The following SP100 variants were observed in gnomAD, a reference collection of about 807,000 sequenced individuals.
SP100 encodes the protein nuclear autoantigen Sp-100.
Under a neutral mutation model 130.0 loss-of-function variants are expected in SP100, and 84 were observed. The ratio of observed to expected loss-of-function variants is 0.65; its 90% CI spans 0.54 to 0.77. The LOEUF (loss-of-function observed/expected upper bound fraction) is 0.77, where lower values mean the gene tolerates loss of function less well. Among genes scored for constraint, SP100 ranks in the 30% least tolerant of loss-of-function variants. The pLI is 0.00. For synonymous variants in SP100, 331 were observed against 351.7 expected (o/e 0.94, Z 0.66); for missense variants, 978 against 1,052.2 (o/e 0.93, Z 0.97).
intron 5 of SP100, among the ~76,000 whole-genome samples, chr2:230,448,356 G>A (rs961196709): frequency 3.3e-5 from 5 of 152,110 alleles, no homozygotes; most frequent in Admixed American, 6.5e-5. Flanking sequence ...ACTCTGTGGC[G>A]GTTGGTTTAA....
chr2:230,450,919 A>G (rs1047446660), intron 8 of SP100, among the ~76,000 whole-genome samples: 3 of 152,186 alleles, frequency 2.0e-5, no homozygotes, highest in Non-Finnish European at 4.4e-5. Flanking sequence ...TATCTTGGCT[A>G]TTGTGAATAC....
chr2:230,519,698 G>T (rs1691082087), intron 24 of SP100, among the ~76,000 whole-genome samples: 2 of 152,140 alleles, frequency 1.3e-5, no homozygotes, highest in African/African-American at 4.8e-5. Context: ...TCTCTTCAAT[G>T]AAGGCCATTT....
intron 4 of SP100, among the ~76,000 whole-genome samples, chr2:230,446,344 A>G (rs2063710375): frequency 6.6e-6 from 1 of 152,198 alleles, no homozygotes; most frequent in Admixed American, 6.5e-5. Context: ...CCTGGGCTCA[A>G]GCAATCCTCC....
chr2:230,424,617 C>T (rs972106071), intron 2 of SP100, among the ~76,000 whole-genome samples: 7 of 147,888 alleles, frequency 4.7e-5, no homozygotes, highest in African/African-American at 1.0e-4. Context: ...TGTAGTGAGC[C>T]GATATCGCAC....
At chr2:230,511,063 A>G (rs551726421) in intron 23 of SP100, 62 bp from the exon 24 acceptor site, 1 of 1,111,154 alleles carries the variant, frequency 9.0e-7, no homozygotes, top group Non-Finnish European at 1.4e-6. Context: ...AGTCTGTTCA[A>G]ATGTGGGGTT....
intron 24 of SP100, chr2:230,515,255 A>G (rs2150089407): frequency 6.2e-7 from 1 of 1,613,086 alleles, no homozygotes; most frequent in East Asian, 2.2e-5. Flanking sequence ...ATGAAAACCT[A>G]TATCCCTCCT....
At chr2:230,536,288 A>G (rs1691937463) in intron 24 of SP100, among the ~76,000 whole-genome samples, 1 of 152,204 alleles carries the variant, frequency 6.6e-6, no homozygotes. Context: ...CATCAGCATG[A>G]AACAGCCAGA....
intron 28 of SP100, 24 bp from the exon 29 acceptor site, chr2:230,542,812 T>C (rs1692232150): frequency 1.4e-6 from 2 of 1,440,072 alleles, no homozygotes; most frequent in Non-Finnish European, 9.8e-7. Flanking sequence ...AACTGCTATA[T>C]TGTTTTTTTC....
chr2:230,418,586 A>T (rs139649108), intron 2 of SP100, among the ~76,000 whole-genome samples: 1,467 of 145,436 alleles, frequency 0.01, 24 homozygotes, highest in African/African-American at 0.035. Flanking sequence ...ATCTGGATGA[A>T]CTTTTTTTCT....
chr2:230,536,429 G>A (rs140239675), intron 24 of SP100, among the ~76,000 whole-genome samples: 43 of 152,220 alleles, frequency 2.8e-4, no homozygotes, highest in African/African-American at 9.4e-4. Context: ...GACCCTCTCA[G>A]TCTTAAAACT....
intron 13 of SP100, 106 bp downstream of exon 13, chr2:230,467,321 C>A: frequency 1.3e-6 from 1 of 751,340 alleles, no homozygotes; most frequent in Non-Finnish European, 2.3e-6. Flanking sequence ...CAGTTCTCTG[C>A]ATCTACCTCA....
At chr2:230,527,801 C>T (rs1345288644) in intron 24 of SP100, among the ~76,000 whole-genome samples, 1 of 151,992 alleles carries the variant, frequency 6.6e-6, no homozygotes, top group Admixed American at 6.6e-5. Context: ...AGACTTTAAC[C>T]ATAACCAAAA....
chr2:230,509,323 T>C (rs1312559475), intron 23 of SP100: 5 of 152,176 alleles, frequency 3.3e-5, no homozygotes, highest in Non-Finnish European at 7.4e-5. Flanking sequence ...ACCTTGGATA[T>C]TTCTGCCATA....
At chr2:230,512,921 G>A (rs976479615) in intron 24 of SP100, among the ~76,000 whole-genome samples, 5 of 152,162 alleles carry the variant, frequency 3.3e-5, no homozygotes, top group African/African-American at 1.2e-4. Flanking sequence ...CACGCAACCT[G>A]GATCCCTCGC....
chr2:230,537,293 G>C (rs1691983264), intron 24 of SP100, among the ~76,000 whole-genome samples: 1 of 152,176 alleles, frequency 6.6e-6, no homozygotes, highest in Non-Finnish European at 1.5e-5. Context: ...ACTGGTACAG[G>C]ACACTAATTG....
intron 7 of SP100, 104 bp downstream of exon 7, chr2:230,449,814 G>A: frequency 1.4e-5 from 17 of 1,217,276 alleles, no homozygotes; most frequent in Non-Finnish European, 1.9e-5. Context: ...TGTTTAACAA[G>A]CAGGGGAAAA....
intron 27 of SP100, 141 bp downstream of exon 27, chr2:230,541,513 G>A (rs1692176140): frequency 1.4e-6 from 1 of 720,650 alleles, no homozygotes; most frequent in Non-Finnish European, 2.3e-6. Context: ...CATAGATTAG[G>A]TGGCTTAAAC....
chr2:230,435,162 C>G (rs2063216253), intron 2 of SP100, among the ~76,000 whole-genome samples: 1 of 152,168 alleles, frequency 6.6e-6, no homozygotes, highest in South Asian at 2.1e-4. Context: ...GAATCTTCTC[C>G]CTCGTGACAT....
At chr2:230,463,368 T>G (rs1416267487) in intron 10 of SP100, among the ~76,000 whole-genome samples, 1 of 152,222 alleles carries the variant, frequency 6.6e-6, no homozygotes, top group Non-Finnish European at 1.5e-5. Flanking sequence ...ATAACATAAG[T>G]ATGCAAATTG....
Sources: gnomAD v4.1 joint callset for allele counts (sites outside exome capture counted in the v4.1 genomes callset) on GRCh38, gnomAD v4.1.1 for gene constraint, MANE v1.5 for transcripts, NCBI Gene and HGNC (gene_info 2026-07-23, HGNC 2026-07-21) for gene names.